Variants in SESTD1 observed in about 807,000 individuals in gnomAD.
SESTD1 encodes SEC14 and spectrin domain containing 1.
Under a neutral mutation model 101.7 loss-of-function variants are expected in SESTD1, and 43 were observed. That is an observed-to-expected ratio of 0.42 (90% confidence interval 0.33 to 0.55). SESTD1 has a LOEUF of 0.55. Among genes scored for constraint, SESTD1 ranks in the 20% least tolerant of loss-of-function variants. The pLI is 0.07. For synonymous variants in SESTD1, 283 were observed against 286.8 expected, an observed-to-expected ratio of 0.99 and a Z score of 0.13; for missense variants, 647 against 815.1, an observed-to-expected ratio of 0.79 and a Z score of 2.51.
At chr2:179,189,972 C>T (rs1004146042) in intron 2 of SESTD1, among the ~76,000 whole-genome samples, 1 of 151,914 alleles carries the variant, frequency 6.6e-6, no homozygotes, top group Non-Finnish European at 1.5e-5. Context: ...TTAAAATGGC[C>T]ATACAGCCCA....
At chr2:179,257,973 C>G (rs1338029885) in intron 1 of SESTD1, among the ~76,000 whole-genome samples, 3 of 152,184 alleles carry the variant, frequency 2.0e-5, no homozygotes, top group Non-Finnish European at 4.4e-5. Context: ...TCAGGAGAGA[C>G]CTATGACACC....
chr2:179,262,180 TA>T (rs2047491970), intron 1 of SESTD1, among the ~76,000 whole-genome samples: 1 of 152,152 alleles, frequency 6.6e-6, no homozygotes, highest in Non-Finnish European at 1.5e-5. Flanking sequence ...AGACATAAAG[TA>T]AATTAGTGGT....
At chr2:179,237,930 G>A (rs2047093370) in intron 1 of SESTD1, among the ~76,000 whole-genome samples, 1 of 152,128 alleles carries the variant, frequency 6.6e-6, no homozygotes, top group Admixed American at 6.6e-5. Context: ...ATGGGCACCT[G>A]CCCTCCACAT....
At position 179,105,173 on chromosome 2, in the gene SESTD1, TTC is replaced by T. The variant is rs1313411110; in HGVS notation, c.*4724_*4725del. ...CTAATTGTGGTCTTTTCATGCTTTG[TTC>T]TGTTTTTTTTTTTTTTTTAACCTCA... On this transcript the variant is annotated 3_prime_UTR_variant, in exon 18 of 18. Coordinates refer to ENST00000428443, the MANE Select transcript of SESTD1 (RefSeq NM_178123.5). The T allele has an allele frequency of 1.6e-5, 2 of 127,502 alleles. No homozygotes were observed. The highest frequency in any genetic ancestry group is 3.2e-5 in the Non-Finnish European group (2 of 62,684). The allele number at this position is 127,502 out of a possible 1,614,324, so 7.9% of individuals were successfully genotyped here.
At chr2:179,214,628 C>G (rs2046693980) in intron 1 of SESTD1, among the ~76,000 whole-genome samples, 1 of 134,554 alleles carries the variant, frequency 7.4e-6, no homozygotes, top group Non-Finnish European at 1.6e-5. Context: ...CAGCTCTGCA[C>G]CAAGCAGACC....
rs193269088 is a variant in SESTD1 at position 179,214,289 on chromosome 2, T to C, written c.-25-22423A>G. 1.5e-4 allele frequency among the ~76,000 whole-genome samples: 20 copies of C among 134,118 alleles called. 5 individuals are homozygous for C. Among genetic ancestry groups the C allele is most frequent in the African/African-American group, 5.9e-4 (20 of 33,740 alleles). The allele number at this position is 134,118 out of a possible 152,430, so 88.0% of individuals were successfully genotyped here. A position where few individuals can be genotyped will look rare whatever the true frequency, so the allele number is the denominator to read the frequency against. Reference sequence around the variant, plus strand: ...CAAAATAAAGGGATGGAGGAAGATCTACTAAGCAAATGGAAAGCAAAAAAA... The same window carrying C: ...CAAAATAAAGGGATGGAGGAAGATCCACTAAGCAAATGGAAAGCAAAAAAA... On this transcript the variant is annotated intron_variant, in intron 1 of 17. Coordinates refer to ENST00000428443, the MANE Select transcript of SESTD1 (RefSeq NM_178123.5).
intron 2 of SESTD1, 110 bp downstream of exon 2, chr2:179,191,677 T>A: frequency 1.1e-6 from 1 of 906,912 alleles, no homozygotes; most frequent in Non-Finnish European, 1.7e-6. Context: ...TAGAAATACC[T>A]TTTAAACAAA....
chr2:179,163,404 C>T (rs938578943), intron 5 of SESTD1, among the ~76,000 whole-genome samples: 7 of 152,160 alleles, frequency 4.6e-5, no homozygotes, highest in African/African-American at 1.7e-4. Context: ...TTTATGCGTA[C>T]CATTAAATTT....
chr2:179,184,273 G>A (rs1007997567), intron 2 of SESTD1, among the ~76,000 whole-genome samples: 2 of 152,130 alleles, frequency 1.3e-5, no homozygotes, highest in African/African-American at 4.8e-5. Flanking sequence ...GGTAATTTGA[G>A]AGGCTTAAAA....
At chr2:179,167,559 T>G (rs569067371) in intron 5 of SESTD1, among the ~76,000 whole-genome samples, 1 of 151,718 alleles carries the variant, frequency 6.6e-6, no homozygotes, top group East Asian at 1.9e-4. Flanking sequence ...AAATACCAAA[T>G]AGAACACACA....
chr2:179,146,502 C>G (rs376392168), intron 7 of SESTD1, 45 bp from the exon 8 acceptor site: 1 of 1,509,764 alleles, frequency 6.6e-7, no homozygotes, highest in East Asian at 2.3e-5. Context: ...ATATTTCTAT[C>G]AATGTAACTT....
At chr2:179,248,245 T>A (rs898387499) in intron 1 of SESTD1, among the ~76,000 whole-genome samples, 3 of 152,102 alleles carry the variant, frequency 2.0e-5, no homozygotes, top group Admixed American at 2.0e-4. Context: ...ATTTGAATAG[T>A]TCTTTAGTTA....
At chr2:179,195,573 C>A (rs774210826) in intron 1 of SESTD1, among the ~76,000 whole-genome samples, 1 of 152,196 alleles carries the variant, frequency 6.6e-6, no homozygotes, top group Non-Finnish European at 1.5e-5. Flanking sequence ...CACACTTATT[C>A]AAACAAGCCC....
chr2:179,172,078 T>G, intron 5 of SESTD1, 42 bp downstream of exon 5: 1 of 1,287,668 alleles, frequency 7.8e-7, no homozygotes, highest in South Asian at 1.3e-5. Flanking sequence ...AAATACTATT[T>G]TTAAAGATAT....
rs1169168332 is a variant in SESTD1, at chr2:179,191,719, C to T, written c.55+68G>A. On this transcript the variant is annotated intron_variant, in intron 2 of 17. Coordinates refer to ENST00000428443, the MANE Select transcript of SESTD1 (RefSeq NM_178123.5). ...ATTAAAAAAAAATGCATCTGTCATA[C>T]TTAACAAAGAAGAAACTATTAAAAA... The T allele has an allele frequency of 3.1e-6, 4 of 1,310,274 alleles. No individual in the cohort carries two copies. The South Asian group carries it at 3.9e-5, about 13-fold the overall frequency. 81.2% of individuals were successfully genotyped at this position (1,310,274 alleles called of 1,614,324 possible).
intron 1 of SESTD1, among the ~76,000 whole-genome samples, chr2:179,246,004 C>T (rs909413524): frequency 2.6e-5 from 4 of 152,132 alleles, no homozygotes; most frequent in East Asian, 1.9e-4. Flanking sequence ...CGCCTATAAT[C>T]GCAACACTTT....
intron 6 of SESTD1, 111 bp downstream of exon 6, chr2:179,151,166 CA>C (rs1202939499): frequency 1.5e-6 from 1 of 674,738 alleles, no homozygotes; most frequent in Non-Finnish European, 2.2e-6. Context: ...CATATTTCTC[CA>C]TTTTTGTAAA....
intron 5 of SESTD1, among the ~76,000 whole-genome samples, chr2:179,152,963 C>T (rs977782858): frequency 3.3e-5 from 5 of 151,864 alleles, no homozygotes; most frequent in South Asian, 2.1e-4. Context: ...TCAAAAAAGC[C>T]GAAACTTATT....
At chr2:179,195,611 T>C (rs1397136513) in intron 1 of SESTD1, among the ~76,000 whole-genome samples, 2 of 152,204 alleles carry the variant, frequency 1.3e-5, no homozygotes, top group Non-Finnish European at 2.9e-5. Flanking sequence ...GAACAATCTC[T>C]TAAGAGGGGA....
Sources: gnomAD v4.1 joint callset for allele counts (sites outside exome capture counted in the v4.1 genomes callset) on GRCh38, gnomAD v4.1.1 for gene constraint, MANE v1.5 for transcripts, NCBI Gene and HGNC (gene_info 2026-07-23, HGNC 2026-07-21) for gene names.